LINC00632: variants seen among roughly 807,000 people sequenced by gnomAD.
The protein encoded by LINC00632 is ALDOA related specific transcript.
intron 2 of LINC00632, among the ~76,000 whole-genome samples, chrX:140,718,631 G>A (rs891554875): frequency 9.0e-6 from 1 of 110,815 alleles, no homozygotes; most frequent in Non-Finnish European, 1.9e-5. Flanking sequence ...GGCTGTTCTC[G>A]AACTCCTGAC....
At chrX:140,780,296 C>T (rs1253850670) in exon 5 of LINC00632, among the ~76,000 whole-genome samples, 1 of 111,318 alleles carries the variant, frequency 9.0e-6, no homozygotes, top group East Asian at 2.8e-4. Context: ...CTTAATTTCC[C>T]TCAAATTAAG....
intron 3 of LINC00632, among the ~76,000 whole-genome samples, chrX:140,746,522 T>C (rs1396668714): frequency 8.9e-6 from 1 of 112,328 alleles, no homozygotes; most frequent in East Asian, 2.8e-4. Context: ...TATAGTTGGA[T>C]GAGAGAGGGA....
chrX:140,730,781 C>T (rs1931044020), intron 2 of LINC00632, among the ~76,000 whole-genome samples: 1 of 111,908 alleles, frequency 8.9e-6, no homozygotes, highest in African/African-American at 3.2e-5. Flanking sequence ...AGATTCACTT[C>T]ATAAGGGACA....
chrX:140,788,809 T>A (rs1334361923), exon 5 of LINC00632, among the ~76,000 whole-genome samples: 1 of 103,726 alleles, frequency 9.6e-6, no homozygotes, highest in East Asian at 2.9e-4. Flanking sequence ...TACACATATA[T>A]GTATCTATAT....
At chrX:140,747,414 C>T (rs759989745) in intron 3 of LINC00632, among the ~76,000 whole-genome samples, 17 of 108,139 alleles carry the variant, frequency 1.6e-4, no homozygotes, top group East Asian at 3.0e-4. Context: ...CCTGTAATCC[C>T]GGCTACTCGG....
chrX:140,753,050 C>T (rs766636502), intron 3 of LINC00632, among the ~76,000 whole-genome samples: 1 of 112,114 alleles, frequency 8.9e-6, no homozygotes, highest in South Asian at 3.7e-4. Flanking sequence ...TTGCTGATAA[C>T]ATAATTTTGT....
At chrX:140,716,877 C>T (rs934778150) in intron 2 of LINC00632, among the ~76,000 whole-genome samples, 34 of 110,953 alleles carry the variant, frequency 3.1e-4, no homozygotes, top group African/African-American at 1.1e-3. Context: ...CCCTATCACA[C>T]ATATTTTTGT....
At chrX:140,722,928 A>G (rs1930755136) in intron 2 of LINC00632, among the ~76,000 whole-genome samples, 1 of 108,488 alleles carries the variant, frequency 9.2e-6, no homozygotes, top group South Asian at 4.0e-4. Context: ...ACACGCCTGT[A>G]ATCCCAGCTA....
exon 5 of LINC00632, chrX:140,783,298 AGACAATCCATGTCTTCCG>A (rs1931960543): frequency 1.2e-5 from 4 of 337,800 alleles, no homozygotes; most frequent in South Asian, 8.0e-5. Flanking sequence ...CACATCTTCC[AGACAATCCATGTCTTCCG>A]GACAATCCAT....
At chrX:140,765,538 G>A (rs886163274) in intron 3 of LINC00632, among the ~76,000 whole-genome samples, 2 of 112,091 alleles carry the variant, frequency 1.8e-5, no homozygotes, top group African/African-American at 6.5e-5. Context: ...TTTTCTAGAA[G>A]AGGGACGCCT....
chrX:140,776,166 GA>G (rs1024917608), exon 5 of LINC00632, among the ~76,000 whole-genome samples: 1 of 111,757 alleles, frequency 8.9e-6, no homozygotes, highest in Non-Finnish European at 1.9e-5. Context: ...CAACAAACAT[GA>G]AAAAAAGCTC....
chrX:140,777,930 T>A (rs2148403560), exon 5 of LINC00632, among the ~76,000 whole-genome samples: 1 of 112,286 alleles, frequency 8.9e-6, no homozygotes, highest in South Asian at 3.7e-4. Context: ...GTAATTGTGC[T>A]CATGGTTCAA....
At chrX:140,743,171 G>GCCAAGATCA (rs1931264476) in intron 3 of LINC00632, among the ~76,000 whole-genome samples, 1 of 91,227 alleles carries the variant, frequency 1.1e-5, no homozygotes, top group Non-Finnish European at 2.0e-5. Context: ...GTTGCAATGA[G>GCCAAGATCA]CCAAGATCAC....
intron 2 of LINC00632, among the ~76,000 whole-genome samples, chrX:140,728,492 C>T (rs748039326): frequency 3.6e-5 from 4 of 109,777 alleles, no homozygotes; most frequent in Admixed American, 9.8e-5. Flanking sequence ...CACAGACTTG[C>T]ACCACAGGAT....
chrX:140,728,007 G>A (rs945610507), intron 2 of LINC00632, among the ~76,000 whole-genome samples: 3 of 111,433 alleles, frequency 2.7e-5, no homozygotes, highest in Non-Finnish European at 5.7e-5. Context: ...TTGGGAGGCC[G>A]AGACGGGCGG....
At chrX:140,724,142 CCATACACACACAGACACATTCCATACA>C (rs772620589) in intron 2 of LINC00632, among the ~76,000 whole-genome samples, 42 of 104,777 alleles carry the variant, frequency 4.0e-4, no homozygotes, top group Non-Finnish European at 6.9e-4. Context: ...CAGACACATT[CCATACACACACAGACACATTCCATACA>C]CATACACAGA....
chrX:140,754,113 T>G (rs1931456716), intron 3 of LINC00632, among the ~76,000 whole-genome samples: 1 of 111,686 alleles, frequency 9.0e-6, no homozygotes, highest in African/African-American at 3.2e-5. Flanking sequence ...GTCTAGACAG[T>G]TATTCCTGTT....
At chrX:140,772,193 T>C in exon 4 of LINC00632, 3 of 296,374 alleles carry the variant, frequency 1.0e-5, no homozygotes, top group Non-Finnish European at 1.8e-5. Context: ...GTCCGCGCCT[T>C]TGAGAGCTTT....
At chrX:140,788,051 A>G (rs1932042200) in exon 5 of LINC00632, among the ~76,000 whole-genome samples, 2 of 110,438 alleles carry the variant, frequency 1.8e-5, no homozygotes, top group Non-Finnish European at 3.8e-5. Flanking sequence ...ATAGTAGGAT[A>G]TCCTTTTTAT....
Sources: allele counts gnomAD v4.1 joint callset (sites outside exome capture counted in the v4.1 genomes callset), GRCh38; gene constraint gnomAD v4.1.1; transcripts MANE v1.5; gene names NCBI Gene and HGNC (gene_info 2026-07-23, HGNC 2026-07-21).